Variants in RABGAP1L observed in about 807,000 individuals in gnomAD.
RABGAP1L encodes the protein rab GTPase-activating protein 1-like.
RABGAP1L carries 63 observed loss-of-function variants against 137.7 expected under a neutral mutation model. The ratio of observed to expected loss-of-function variants is 0.46; its 90% CI spans 0.37 to 0.56. The LOEUF is 0.56. Among genes scored for constraint, RABGAP1L ranks in the 20% least tolerant of loss-of-function variants. RABGAP1L has a pLI of 0.00. For missense variants in RABGAP1L, 1,095 were observed against 1,244.0 expected, an observed-to-expected ratio of 0.88 and a Z score of 1.80; for synonymous variants, 431 against 433.7, an observed-to-expected ratio of 0.99 and a Z score of 0.08.
chr1:174,542,535 A>G (rs1049234769), intron 13 of RABGAP1L, among the ~76,000 whole-genome samples: 65 of 152,016 alleles, frequency 4.3e-4, no homozygotes, highest in Non-Finnish European at 2.4e-4. Flanking sequence ...TGATCTTTTC[A>G]AAAAACCAGC....
intron 19 of RABGAP1L, among the ~76,000 whole-genome samples, chr1:174,868,960 C>T (rs914808796): frequency 2.6e-5 from 4 of 151,806 alleles, no homozygotes; most frequent in African/African-American, 7.3e-5. Context: ...TTGTATGACA[C>T]TGTTATTCAT....
At chr1:174,779,556 C>G (rs956351515) in intron 18 of RABGAP1L, among the ~76,000 whole-genome samples, 2 of 152,078 alleles carry the variant, frequency 1.3e-5, no homozygotes, top group East Asian at 3.8e-4. Flanking sequence ...GATTATTAAC[C>G]TTATGTTTTT....
chr1:174,840,441 C>T (rs1693249766), intron 19 of RABGAP1L, among the ~76,000 whole-genome samples: 1 of 152,020 alleles, frequency 6.6e-6, no homozygotes, highest in East Asian at 1.9e-4. Flanking sequence ...GGGGGCAAAA[C>T]CAATAATGCC....
At chr1:174,811,667 A>G (rs1477972724) in intron 18 of RABGAP1L, among the ~76,000 whole-genome samples, 165 bp from the exon 19 acceptor site, 1 of 152,224 alleles carries the variant, frequency 6.6e-6, no homozygotes, top group Non-Finnish European at 1.5e-5. Flanking sequence ...TTATAGTAAC[A>G]TCATCTAAAT....
intron 1 of RABGAP1L, among the ~76,000 whole-genome samples, chr1:174,197,836 A>T (rs1238071259): frequency 1.3e-5 from 2 of 152,012 alleles, no homozygotes; most frequent in African/African-American, 2.4e-5. Flanking sequence ...TGTTATGTAG[A>T]TATTCTTAGA....
chr1:174,169,544 A>G (rs1665176641), intron 1 of RABGAP1L, among the ~76,000 whole-genome samples: 1 of 152,158 alleles, frequency 6.6e-6, no homozygotes, highest in African/African-American at 2.4e-5. Flanking sequence ...TTAAAAGATA[A>G]TCTAGTAATA....
chr1:174,842,873 TTTAAA>T (rs1693566927), intron 19 of RABGAP1L, among the ~76,000 whole-genome samples: 1 of 152,192 alleles, frequency 6.6e-6, no homozygotes. Context: ...TTAATTATTC[TTTAAA>T]TTTTTCTATT....
chr1:174,281,974 C>A lies in RABGAP1L; in HGVS notation c.1323+3195C>A, dbSNP rs968574021. On this transcript the variant is annotated intron_variant, in intron 10 of 25. Transcript: ENST00000681986. ...AAAAGCTTTCTTCATGTAACAATGCCTTTGAGATCCATCCATGTTGTATGT... is the reference window on the plus strand; with the variant it reads ...AAAAGCTTTCTTCATGTAACAATGCATTTGAGATCCATCCATGTTGTATGT... 5.9e-5 allele frequency among the ~76,000 whole-genome samples: 9 copies of A among 152,266 alleles called. No homozygotes were observed. The South Asian group carries it at 1.9e-3, about 32-fold the overall frequency.
intron 19 of RABGAP1L, among the ~76,000 whole-genome samples, chr1:174,926,065 C>A (rs1662794423): frequency 6.6e-6 from 1 of 151,692 alleles, no homozygotes; most frequent in Admixed American, 6.6e-5. Context: ...GTCTGACCAA[C>A]ATTTATTAAA....
chr1:174,461,851 C>CTT (rs1229247620), intron 13 of RABGAP1L, among the ~76,000 whole-genome samples: 2 of 152,090 alleles, frequency 1.3e-5, no homozygotes, highest in African/African-American at 4.8e-5. Context: ...ATTCAGTGGA[C>CTT]TTATAGGCTC....
intron 11 of RABGAP1L, among the ~76,000 whole-genome samples, chr1:174,370,463 C>T (rs1414300606): frequency 5.8e-4 from 22 of 37,872 alleles, no homozygotes; most frequent in South Asian, 2.5e-3. Flanking sequence ...TTAAAAATAC[C>T]TTTTTTTTTT....
At chr1:174,381,246 T>C (rs1203339616) in intron 12 of RABGAP1L, among the ~76,000 whole-genome samples, 7 of 146,810 alleles carry the variant, frequency 4.8e-5, no homozygotes, top group Non-Finnish European at 1.1e-4. Context: ...GGTGTGGTGC[T>C]GAAAAAAATG....
At chr1:174,967,701 G>A (rs1037662153) in intron 20 of RABGAP1L, among the ~76,000 whole-genome samples, 1 of 151,834 alleles carries the variant, frequency 6.6e-6, no homozygotes, top group African/African-American at 2.4e-5. Context: ...TGCTGAGGCT[G>A]GTCTTGAATT....
At chr1:174,548,806 C>T (rs1286517178) in intron 13 of RABGAP1L, among the ~76,000 whole-genome samples, 2 of 152,116 alleles carry the variant, frequency 1.3e-5, no homozygotes, top group African/African-American at 4.8e-5. Flanking sequence ...GTTTAAGTAA[C>T]ACTAAAAGTA....
At chr1:174,289,128 C>T (rs1444919058) in intron 10 of RABGAP1L, among the ~76,000 whole-genome samples, 2 of 152,168 alleles carry the variant, frequency 1.3e-5, no homozygotes, top group Non-Finnish European at 2.9e-5. Flanking sequence ...ACTTCGAACT[C>T]CAGGGCTCAA....
chr1:174,947,303 C>A (rs555491448), intron 19 of RABGAP1L, among the ~76,000 whole-genome samples: 81 of 150,922 alleles, frequency 5.4e-4, no homozygotes, highest in African/African-American at 1.8e-3. Flanking sequence ...TGGTCTCAAA[C>A]TCTCAAACTC....
chr1:174,372,179 AG>A (rs1685163231), intron 12 of RABGAP1L, among the ~76,000 whole-genome samples: 1 of 152,184 alleles, frequency 6.6e-6, no homozygotes, highest in African/African-American at 2.4e-5. Flanking sequence ...AATAATCAAA[AG>A]GGTCAGAATC....
intron 14 of RABGAP1L, among the ~76,000 whole-genome samples, chr1:174,669,836 A>G (rs1435560276): frequency 1.3e-5 from 2 of 152,076 alleles, no homozygotes; most frequent in Non-Finnish European, 2.9e-5. Context: ...TCTTGGGTCT[A>G]GCTTTCTGTT....
intron 17 of RABGAP1L, among the ~76,000 whole-genome samples, chr1:174,709,242 C>T (rs762087908): frequency 1.1e-4 from 16 of 152,110 alleles, no homozygotes; most frequent in African/African-American, 2.7e-4. Flanking sequence ...TGGCTGTGGG[C>T]GCAGCTTCAG....
Sources: gnomAD v4.1 joint callset for allele counts (sites outside exome capture counted in the v4.1 genomes callset) on GRCh38, gnomAD v4.1.1 for gene constraint, MANE v1.5 for transcripts, NCBI Gene and HGNC (gene_info 2026-07-23, HGNC 2026-07-21) for gene names.